TRAK1: variants seen among roughly 807,000 people sequenced by gnomAD.
The protein encoded by TRAK1 is trafficking kinesin protein 1.
In TRAK1, 33 loss-of-function variants were observed where a neutral mutation model predicts 92.1. The ratio of observed to expected loss-of-function variants is 0.36; its 90% CI spans 0.27 to 0.48. TRAK1 has a LOEUF of 0.48. TRAK1 is among the 20% of genes least tolerant of loss of function. The probability of loss-of-function intolerance (pLI) is 0.99; values close to 1 mark genes in which losing one functional copy is unlikely to be tolerated. For missense variants in TRAK1, 1,123 were observed against 1,257.9 expected, an observed-to-expected ratio of 0.89 and a Z score of 1.62; for synonymous variants, 521 against 517.3, an observed-to-expected ratio of 1.01 and a Z score of -0.10.
At chr3:42,048,035 A>G (rs1702829249) in intron 1 of TRAK1, among the ~76,000 whole-genome samples, 1 of 151,806 alleles carries the variant, frequency 6.6e-6, no homozygotes, top group African/African-American at 2.4e-5. Context: ...CAGAAAATAG[A>G]ACTTTGCCAG....
chr3:42,061,357 CCA>C (rs145960725), intron 1 of TRAK1, among the ~76,000 whole-genome samples: 22 of 139,444 alleles, frequency 1.6e-4, no homozygotes, highest in Non-Finnish European at 1.6e-4. Flanking sequence ...CCACGCACAC[CCA>C]CACACACACA....
chr3:42,098,109 G>C (rs1706211439), intron 1 of TRAK1, among the ~76,000 whole-genome samples: 2 of 147,218 alleles, frequency 1.4e-5, no homozygotes, highest in African/African-American at 2.5e-5. Flanking sequence ...TCCTCACCCT[G>C]ATATCTGTCC....
rs368699100 is a variant in TRAK1, at chr3:42,212,163, T to C, written c.1963+2178T>C. On this transcript the variant is annotated intron_variant, in intron 14 of 15. Coordinates refer to ENST00000327628, the MANE Select transcript of TRAK1 (RefSeq NM_001042646.3). ...GTCCCAAGTAGCTCTATGCCTGCAA[T>C]CATGGAGACACAGGCAGACAGATAA... 5.1e-5 allele frequency: 50 copies of C among 985,362 alleles called. No individual in the cohort carries two copies. In the East Asian group the frequency reaches 1.1e-3, roughly 22 times the overall value. 61.0% of individuals were successfully genotyped at this position (985,362 alleles called of 1,614,324 possible). A position where few individuals can be genotyped will look rare whatever the true frequency, so the allele number is the denominator to read the frequency against.
At chr3:42,033,585 CTCAATCAATCAA>C (rs61686568) in intron 1 of TRAK1, among the ~76,000 whole-genome samples, 1 of 151,480 alleles carries the variant, frequency 6.6e-6, no homozygotes, top group Non-Finnish European at 1.5e-5. Flanking sequence ...AAGACCCTGT[CTCAATCAATCAA>C]TCAATCAATA....
At chr3:42,032,234 A>G (rs1241768852) in intron 1 of TRAK1, among the ~76,000 whole-genome samples, 1 of 152,200 alleles carries the variant, frequency 6.6e-6, no homozygotes, top group Non-Finnish European at 1.5e-5. Flanking sequence ...TTTCTGGTGG[A>G]GTATGGTAAG....
Position 42,202,746 on chromosome 3 carries a change from C to T in TRAK1, c.1738C>T (p.Leu580=), listed in dbSNP as rs1707805619. The change falls in exon 13 of 16, where the codon CTG becomes TTG. Residue 580 remains leucine (L), a synonymous_variant. Coordinates refer to ENST00000327628, the MANE Select transcript of TRAK1 (RefSeq NM_001042646.3). This position sits in a 1 kb window ranked among gnomAD's most constrained non-coding sequence, Gnocchi z 6.1. ...LPEKLQIVKP[L]EGSATLHHWQ... ...TGAGAAGCTCCAGATCGTGAAGCCG[C>T]TGGAAGGTGATCACGCGGGGCCTCG... 6.2e-7 allele frequency: 1 copy of T among 1,613,684 alleles called. No homozygotes were observed. Among genetic ancestry groups the T allele is most frequent in the South Asian group, 1.1e-5 (1 of 91,074 alleles).
intron 2 of TRAK1, among the ~76,000 whole-genome samples, chr3:42,138,187 T>C (rs11129941): frequency 0.082 from 12,517 of 152,258 alleles, 552 homozygotes; most frequent in South Asian, 0.16. Context: ...CAGAACCCTA[T>C]AGACATATGC....
intron 1 of TRAK1, among the ~76,000 whole-genome samples, chr3:42,041,051 GTTT>G (rs139290431): frequency 1.4e-5 from 2 of 141,146 alleles, no homozygotes; most frequent in African/African-American, 5.1e-5. Context: ...CTTTGTTGTT[GTTT>G]TTTTTTTCCC....
chr3:42,029,922 G>A (rs75407370), intron 1 of TRAK1, among the ~76,000 whole-genome samples: 3,779 of 152,116 alleles, frequency 0.025, 65 homozygotes, highest in East Asian at 0.06. Flanking sequence ...TTGGAAGTAC[G>A]GATGGTAGAG....
chr3:42,088,320 T>C (rs527784298), upstream of TRAK1, among the ~76,000 whole-genome samples: 1 of 152,142 alleles, frequency 6.6e-6, no homozygotes, highest in Non-Finnish European at 1.5e-5. Context: ...GCCTGGTGCC[T>C]AGCTGCTGTG....
intron 3 of TRAK1, among the ~76,000 whole-genome samples, chr3:42,177,771 G>A (rs1452607157): frequency 1.3e-5 from 2 of 152,184 alleles, no homozygotes; most frequent in South Asian, 2.1e-4. Flanking sequence ...CCGTTTTTGT[G>A]TGTCTCTCTT....
intron 1 of TRAK1, among the ~76,000 whole-genome samples, chr3:42,104,734 A>G (rs1392089016): frequency 2.0e-5 from 3 of 152,194 alleles, no homozygotes; most frequent in Non-Finnish European, 4.4e-5. Context: ...AAAACCACAA[A>G]GATGGGGAGA....
At chr3:42,051,743 G>C (rs1403486486) in intron 1 of TRAK1, 2 of 152,208 alleles carry the variant, frequency 1.3e-5, no homozygotes, top group African/African-American at 4.8e-5. Flanking sequence ...ACTTGCACTT[G>C]AATGAGCCAT....
intron 11 of TRAK1, among the ~76,000 whole-genome samples, chr3:42,199,510 C>T (rs1012049357): frequency 6.6e-6 from 1 of 152,180 alleles, no homozygotes; most frequent in Non-Finnish European, 1.5e-5. Flanking sequence ...CGCCAGAGTG[C>T]AGTGGTGTGA....
chr3:42,026,138 GT>G (rs1701905910), intron 1 of TRAK1, among the ~76,000 whole-genome samples: 1 of 150,836 alleles, frequency 6.6e-6, no homozygotes, highest in Non-Finnish European at 1.5e-5. Flanking sequence ...TCCTTCTTTT[GT>G]CCTTTGAGGC....
chr3:42,050,857 C>T (rs978402419), intron 1 of TRAK1, among the ~76,000 whole-genome samples: 5 of 152,062 alleles, frequency 3.3e-5, no homozygotes, highest in South Asian at 2.1e-4. Flanking sequence ...GGGGTTTCAC[C>T]ATGTTGGCCA....
chr3:42,029,379 C>T (rs1702032868), intron 1 of TRAK1, among the ~76,000 whole-genome samples: 1 of 151,964 alleles, frequency 6.6e-6, no homozygotes, highest in South Asian at 2.1e-4. Flanking sequence ...GCTGGGACTG[C>T]AGGTGCGCGC....
At chr3:42,133,984 A>G (rs1261618794) in intron 2 of TRAK1, among the ~76,000 whole-genome samples, 4 of 152,216 alleles carry the variant, frequency 2.6e-5, no homozygotes. Context: ...AAACACATTG[A>G]TATAATTACA....
At chr3:42,096,007 G>A (rs188460840) in intron 1 of TRAK1, among the ~76,000 whole-genome samples, 3 of 152,306 alleles carry the variant, frequency 2.0e-5, no homozygotes, top group Admixed American at 2.0e-4. Flanking sequence ...CAGACATTTG[G>A]TGGTGCCTTT....
Sources: gnomAD v4.1 joint callset for allele counts (sites outside exome capture counted in the v4.1 genomes callset) on GRCh38, gnomAD v4.1.1 for gene constraint, Gnocchi (gnomAD v3.1) non-coding constraint, MANE v1.5 for transcripts, NCBI Gene and HGNC (gene_info 2026-07-23, HGNC 2026-07-21) for gene names.